The following DCHS2 variants were observed in gnomAD, a reference collection of about 807,000 sequenced individuals.
The protein encoded by DCHS2 is dachsous cadherin-related 2, also known as protocadherin-23.
DCHS2 carries 142 observed loss-of-function variants against 182.4 expected under a neutral mutation model. The ratio of observed to expected loss-of-function variants is 0.78; its 90% CI spans 0.68 to 0.89. DCHS2 has a LOEUF of 0.89. Ranked by LOEUF, DCHS2 falls within the 40% of genes least tolerant of loss-of-function variation. The pLI is 0.00. For missense variants in DCHS2, 4,319 were observed against 4,198.6 expected, an observed-to-expected ratio of 1.03 and a Z score of -0.79; for synonymous variants, 1,740 against 1,663.3, an observed-to-expected ratio of 1.05 and a Z score of -1.12.
At chr4:154,403,482 A>G (rs895495150) in intron 1 of DCHS2, among the ~76,000 whole-genome samples, 1 of 152,174 alleles carries the variant, frequency 6.6e-6, no homozygotes, top group Non-Finnish European at 1.5e-5. Flanking sequence ...AACCACTTAT[A>G]TTCCTGGGAT....
Position 154,490,330 on chromosome 4 carries a change from C to A in DCHS2, c.1026G>T (p.Gly342=), listed in dbSNP as rs370518039. ...RYSVRARQVP[G]AGSGGGALGD... The stretch of plus-strand genomic sequence containing the variant: ...CCAGTGCCCCGCCGCCGCTACCCGC[C>A]CCAGGCACTTGCCGGGCGCGGACGC... The change falls in exon 1 of 20, where the codon GGG becomes GGT. Residue 342 remains glycine (G), a synonymous_variant. Coordinates refer to ENST00000357232, the MANE Select transcript of DCHS2 (RefSeq NM_001358235.2). The A allele has an allele frequency of 4.4e-3, 6,836 of 1,543,416 alleles. 219 individuals are homozygous for A. The South Asian group carries it at 0.061, about 14-fold the overall frequency.
In DCHS2 at chr4:154,486,846, C is replaced by A. The variant is rs1315746302; in HGVS notation, c.2052+2458G>T. Among the ~76,000 whole-genome samples the A allele has an allele frequency of 1.3e-5, 2 of 152,114 alleles. 1 individual carries two copies. The highest frequency in any genetic ancestry group is 3.9e-4 in the East Asian group (2 of 5,186). On this transcript the variant is annotated intron_variant, in intron 1 of 19. Transcript: ENST00000357232. The stretch of plus-strand genomic sequence containing the variant: ...TTTTGCAAATCTTGAGGGGCTAGAT[C>A]GCTGGAATTTCCAGAAATTCTAGTC...
intron 6 of DCHS2, 135 bp from the exon 7 acceptor site, chr4:154,328,327 T>C (rs1736380191): frequency 1.8e-6 from 1 of 555,956 alleles, no homozygotes; most frequent in African/African-American, 1.9e-5. Context: ...TTCAAATGCA[T>C]ACCATGTAAA....
At chr4:154,309,301 C>T (rs753447569) in intron 10 of DCHS2, among the ~76,000 whole-genome samples, 4 of 152,144 alleles carry the variant, frequency 2.6e-5, no homozygotes, top group Non-Finnish European at 5.9e-5. Context: ...CCAACTACCT[C>T]TCTCCTAGGG....
rs1198295588 is a variant in DCHS2, at chr4:154,235,365, G to T, written c.9287C>A (p.Ser3096Tyr). ...YRHSNSSGHCSVEGETAEDKE... is the reference protein window; with the variant it reads ...YRHSNSSGHCYVEGETAEDKE... Reference sequence around the variant, plus strand: ...ATCTTCTGCAGTTTCTCCTTCCACAGAACAGTGGCCACTGGAGTTTGAGTG... The same window carrying T: ...ATCTTCTGCAGTTTCTCCTTCCACATAACAGTGGCCACTGGAGTTTGAGTG... Residue 3096 changes from serine (S) to tyrosine (Y), a missense_variant, in exon 20 of 20, where the codon TCT (serine) becomes TAT (tyrosine). Physicochemically the swap from Ser to Tyr is moderately radical, Grantham distance 144. Coordinates refer to ENST00000357232, the MANE Select transcript of DCHS2 (RefSeq NM_001358235.2). 6.2e-7 allele frequency: 1 copy of T among 1,613,900 alleles called. No individual in the cohort carries two copies. The highest frequency in any genetic ancestry group is 1.7e-5 in the Admixed American group (1 of 59,984).
At chr4:154,316,045 C>T in intron 9 of DCHS2, 58 bp from the exon 10 acceptor site, 2 of 1,591,190 alleles carry the variant, frequency 1.3e-6, no homozygotes, top group Non-Finnish European at 1.7e-6. Context: ...AGAAGTCATG[C>T]TTACTCCACT....
intron 3 of DCHS2, chr4:154,343,611 T>C (rs760548644): frequency 4.1e-5 from 62 of 1,514,550 alleles, no homozygotes; most frequent in Admixed American, 2.3e-4. Context: ...AGCTTCAAAT[T>C]TTTTTTCTGC....
At chr4:154,331,496 G>A in intron 5 of DCHS2, 1 of 1,429,762 alleles carries the variant, frequency 7.0e-7, no homozygotes, top group South Asian at 1.4e-5. Flanking sequence ...TCAGTTTAGG[G>A]AGTGAATGAG....
chr4:154,391,141 T>A, intron 1 of DCHS2: 1 of 1,599,758 alleles, frequency 6.3e-7, no homozygotes, highest in South Asian at 1.1e-5. Context: ...AAGCTGATAC[T>A]TATTTTTAAT....
At chr4:154,409,707 A>G (rs1422236222) in intron 1 of DCHS2, among the ~76,000 whole-genome samples, 5 of 152,216 alleles carry the variant, frequency 3.3e-5, no homozygotes, top group Non-Finnish European at 5.9e-5. Flanking sequence ...CCTGGAACCC[A>G]GCACCAATGC....
At chr4:154,355,697 G>A (rs1188731638) in intron 3 of DCHS2, 2 of 152,024 alleles carry the variant, frequency 1.3e-5, no homozygotes, top group Non-Finnish European at 2.9e-5. Context: ...GTCAACAACG[G>A]CCCATGCACT....
At chr4:154,282,833 A>G (rs1734212832) in intron 13 of DCHS2, among the ~76,000 whole-genome samples, 1 of 152,184 alleles carries the variant, frequency 6.6e-6, no homozygotes, top group African/African-American at 2.4e-5. Flanking sequence ...CATTCAATGA[A>G]ATATTATTTG....
chr4:154,327,216 C>T (rs2111350042), intron 7 of DCHS2, among the ~76,000 whole-genome samples: 1 of 152,264 alleles, frequency 6.6e-6, no homozygotes, highest in East Asian at 1.9e-4. Flanking sequence ...CCTGGGGAGG[C>T]TATGCAAGTA....
Position 154,486,545 on chromosome 4 carries a change from T to C in DCHS2, c.2052+2759A>G, listed in dbSNP as rs111519265. On this transcript the variant is annotated intron_variant, in intron 1 of 19. Coordinates refer to ENST00000357232, the MANE Select transcript of DCHS2 (RefSeq NM_001358235.2). The stretch of plus-strand genomic sequence containing the variant: ...GCTGTAAAAGAGGAAAACTTGTAGA[T>C]GGCAACAGAAAGAAGGTACAGTTAC... 17 of 1,303,152 alleles carry C rather than the reference T, an allele frequency of 1.3e-5. 1 individual carries two copies. Among genetic ancestry groups the C allele is most frequent in the African/African-American group, 1.2e-4 (8 of 65,904 alleles). The allele number at this position is 1,303,152 out of a possible 1,614,324, so 80.7% of individuals were successfully genotyped here. A position where few individuals can be genotyped will look rare whatever the true frequency, so the allele number is the denominator to read the frequency against.
At position 154,304,621 on chromosome 4, in the gene DCHS2, T is replaced by A. The variant is rs1452871993; in HGVS notation, c.5605+48A>T. 3 of 1,465,996 alleles carry A rather than the reference T, an allele frequency of 2.0e-6. No homozygotes were observed. The African/African-American group carries it at 4.4e-5, about 22-fold the overall frequency. The allele number at this position is 1,465,996 out of a possible 1,614,324, so 90.8% of individuals were successfully genotyped here. A position where few individuals can be genotyped will look rare whatever the true frequency, so the allele number is the denominator to read the frequency against. ...TCCAGCCTGGGTGACAGAGTGAGACTCTGTCTTAAAAAAACAAACAAACAA... is the reference window on the plus strand; with the variant it reads ...TCCAGCCTGGGTGACAGAGTGAGACACTGTCTTAAAAAAACAAACAAACAA... On this transcript the variant is annotated intron_variant, in intron 12 of 19. Coordinates refer to ENST00000357232, the MANE Select transcript of DCHS2 (RefSeq NM_001358235.2).
In DCHS2 at chr4:154,322,319, T is replaced by C; in HGVS notation, c.4176+12A>G. The C allele has an allele frequency of 6.2e-7, 1 of 1,612,532 alleles. No homozygotes were observed. The highest frequency in any genetic ancestry group is 8.5e-7 in the Non-Finnish European group (1 of 1,179,470). ...TTAGATGTCCTTCCATATTTTATGG[T>C]GACAACATTACCTGAATATTAACAA... On this transcript the variant is annotated intron_variant, in intron 8 of 19. Coordinates refer to ENST00000357232, the MANE Select transcript of DCHS2 (RefSeq NM_001358235.2).
chr4:154,235,538 C>G lies in DCHS2; in HGVS notation c.9114G>C (p.Ala3038=). 8.7e-6 allele frequency: 14 copies of G among 1,614,040 alleles called. No homozygotes were observed. Among genetic ancestry groups the G allele is most frequent in the Non-Finnish European group, 1.2e-5 (14 of 1,179,966 alleles). The change falls in exon 20 of 20, where the codon GCG becomes GCC. Residue 3038 remains alanine, a synonymous_variant. Transcript: ENST00000357232. ...TGGCATCCCGGGTCACTCTCAAGTC[C>G]GCATCTAAAGATGAGGTTTTCTTCT... is the stretch of plus-strand genomic sequence containing the variant. The part of the protein sequence containing the change: ...YEEKKTSSLD[A]DLRVTRDASV...
chr4:154,442,469 T>C (rs557770674), intron 1 of DCHS2, among the ~76,000 whole-genome samples: 2 of 149,452 alleles, frequency 1.3e-5, no homozygotes, highest in Non-Finnish European at 3.0e-5. Context: ...AAATCCCCTA[T>C]GTTCTCACCC....
intron 1 of DCHS2, among the ~76,000 whole-genome samples, chr4:154,471,727 A>G (rs1216731331): frequency 3.9e-5 from 6 of 151,996 alleles, no homozygotes; most frequent in Non-Finnish European, 8.8e-5. Context: ...TCCATTCTCT[A>G]AACTTTAGAG....
Sources: gnomAD v4.1 joint callset for allele counts (sites outside exome capture counted in the v4.1 genomes callset) on GRCh38, gnomAD v4.1.1 for gene constraint, MANE v1.5 for transcripts, NCBI Gene and HGNC (gene_info 2026-07-23, HGNC 2026-07-21) for gene names.